PLEKHA7: variants seen among roughly 807,000 people sequenced by gnomAD.
PLEKHA7 encodes pleckstrin homology domain containing A7, also known as pleckstrin homology domain-containing family A member 7.
PLEKHA7 carries 104 observed loss-of-function variants against 170.0 expected under a neutral mutation model. That is an observed-to-expected ratio of 0.61 (90% CI 0.52 to 0.72). The LOEUF (loss-of-function observed/expected upper bound fraction) is 0.72. Among genes scored for constraint, PLEKHA7 ranks in the 30% least tolerant of loss-of-function variants. The probability of loss-of-function intolerance (pLI) is 0.00; values close to 1 mark genes in which losing one functional copy is unlikely to be tolerated. For missense variants in PLEKHA7, 1,615 were observed against 1,671.7 expected, an observed-to-expected ratio of 0.97 and a Z score of 0.59; for synonymous variants, 648 against 660.8, an observed-to-expected ratio of 0.98 and a Z score of 0.30.
intron 3 of PLEKHA7, among the ~76,000 whole-genome samples, chr11:16,997,102 C>T (rs1180789531): frequency 6.6e-6 from 1 of 152,144 alleles, no homozygotes; most frequent in Non-Finnish European, 1.5e-5. Context: ...GAGTCCCCTG[C>T]CCCAAGGCTG....
At chr11:16,940,205 T>C (rs1012106728) in intron 3 of PLEKHA7, among the ~76,000 whole-genome samples, 1 of 151,764 alleles carries the variant, frequency 6.6e-6, no homozygotes, top group African/African-American at 2.4e-5. Context: ...GGCTGGCACA[T>C]AGTAGGTACT....
At chr11:17,003,261 G>A (rs1318305808) in intron 3 of PLEKHA7, among the ~76,000 whole-genome samples, 1 of 152,158 alleles carries the variant, frequency 6.6e-6, no homozygotes, top group Non-Finnish European at 1.5e-5. Context: ...AAAGTGCTGG[G>A]ATTACACATG....
chr11:16,947,892 G>A (rs1590693177), intron 3 of PLEKHA7, among the ~76,000 whole-genome samples: 3 of 148,430 alleles, frequency 2.0e-5, no homozygotes, highest in African/African-American at 5.0e-5. Context: ...CTCCAGCTTG[G>A]GCTATAGAGT....
chr11:16,938,659 T>C (rs1157119089), intron 3 of PLEKHA7, among the ~76,000 whole-genome samples: 2 of 152,220 alleles, frequency 1.3e-5, no homozygotes, highest in South Asian at 2.1e-4. Flanking sequence ...CCTCCTATAG[T>C]GATTAACATT....
intron 3 of PLEKHA7, among the ~76,000 whole-genome samples, chr11:16,896,309 G>A (rs550737873): frequency 6.6e-6 from 1 of 152,296 alleles, no homozygotes; most frequent in South Asian, 2.1e-4. Flanking sequence ...AAGAATGGCT[G>A]TGACATTTCT....
intron 4 of PLEKHA7, among the ~76,000 whole-genome samples, chr11:16,856,417 G>A (rs545200063): frequency 3.3e-5 from 5 of 152,090 alleles, no homozygotes; most frequent in Non-Finnish European, 7.4e-5. Context: ...ATGCCAGTGG[G>A]GCTTGTCTCC....
At chr11:16,861,178 C>G (rs1853914873) in intron 4 of PLEKHA7, among the ~76,000 whole-genome samples, 1 of 152,108 alleles carries the variant, frequency 6.6e-6, no homozygotes, top group African/African-American at 2.4e-5. Flanking sequence ...CACAGTAATT[C>G]TGTGTCTGGA....
intron 8 of PLEKHA7, among the ~76,000 whole-genome samples, chr11:16,847,619 C>G (rs1852551981): frequency 6.6e-6 from 1 of 151,944 alleles, no homozygotes; most frequent in African/African-American, 2.4e-5. Context: ...CACCTGAGGT[C>G]AGGAATTTGA....
chr11:17,007,934 T>C (rs1339149520), intron 3 of PLEKHA7, among the ~76,000 whole-genome samples: 1 of 152,218 alleles, frequency 6.6e-6, no homozygotes, highest in Non-Finnish European at 1.5e-5. Flanking sequence ...GTAATAGCAC[T>C]AACCGCAATT....
intron 3 of PLEKHA7, among the ~76,000 whole-genome samples, chr11:17,010,156 G>T (rs984267419): frequency 6.6e-6 from 1 of 152,112 alleles, no homozygotes; most frequent in African/African-American, 2.4e-5. Flanking sequence ...GGGAGGCTGA[G>T]GCAGGCGGAT....
chr11:16,785,343 T>A (rs1441305079), intron 24 of PLEKHA7, among the ~76,000 whole-genome samples: 1 of 152,220 alleles, frequency 6.6e-6, no homozygotes, highest in Non-Finnish European at 1.5e-5. Flanking sequence ...TCTTGTGCAG[T>A]TTCCAGGCAG....
rs750668175 is a variant in PLEKHA7 at position 16,794,506 on chromosome 11, A to G, written c.2727T>C (p.Thr909=). The stretch of plus-strand genomic sequence containing the variant: ...TACTTACAACTTTGGGCTTCGCCTT[A>G]GTTGGTGACTGAAGGGGGGATGTCA... ...RKVTSPLQSP[T]KAKPKVEDEA... is the part of the protein sequence containing the mutation. The change falls in exon 19 of 27, where the codon ACT becomes ACC. Residue 909 remains threonine, a synonymous_variant. Transcript: ENST00000531066. 6.2e-7 allele frequency: 1 copy of G among 1,613,854 alleles called. No individual in the cohort carries two copies. The highest frequency in any genetic ancestry group is 8.5e-7 in the Non-Finnish European group (1 of 1,179,980).
intron 3 of PLEKHA7, among the ~76,000 whole-genome samples, chr11:16,892,325 G>A (rs570822764): frequency 5.3e-5 from 8 of 152,134 alleles, no homozygotes; most frequent in African/African-American, 1.9e-4. Context: ...ACAGAGCAAT[G>A]GCTAAAAACT....
intron 3 of PLEKHA7, among the ~76,000 whole-genome samples, chr11:16,977,630 T>C (rs1590767172): frequency 6.6e-6 from 1 of 152,132 alleles, no homozygotes; most frequent in East Asian, 1.9e-4. Context: ...AATACCTAGC[T>C]GGTTAACGCC....
chr11:16,969,517 C>T (rs193096163), intron 3 of PLEKHA7, among the ~76,000 whole-genome samples: 1 of 152,276 alleles, frequency 6.6e-6, no homozygotes, highest in East Asian at 1.9e-4. Context: ...ACCAATTCTA[C>T]ATATTGCAAT....
chr11:16,852,594 A>T (rs1853068501), intron 6 of PLEKHA7, among the ~76,000 whole-genome samples: 1 of 152,194 alleles, frequency 6.6e-6, no homozygotes, highest in African/African-American at 2.4e-5. Context: ...TTAATATATA[A>T]TATTATAAGT....
chr11:16,821,910 A>C (rs950384879), intron 10 of PLEKHA7, among the ~76,000 whole-genome samples: 38 of 152,016 alleles, frequency 2.5e-4, no homozygotes, highest in Non-Finnish European at 4.4e-4. Context: ...AATTCCTCTC[A>C]CTGTGTGCTC....
intron 3 of PLEKHA7, among the ~76,000 whole-genome samples, chr11:16,990,986 T>C (rs774340408): frequency 2.5e-4 from 38 of 152,210 alleles, no homozygotes; most frequent in African/African-American, 5.5e-4. Flanking sequence ...ACTGTTGTCA[T>C]TGTGGGCAGA....
At chr11:16,951,863 C>G (rs1861427305) in intron 3 of PLEKHA7, among the ~76,000 whole-genome samples, 1 of 152,216 alleles carries the variant, frequency 6.6e-6, no homozygotes, top group South Asian at 2.1e-4. Flanking sequence ...TCAACCATAT[C>G]TAATTACTAG....
Sources: gnomAD v4.1 joint callset for allele counts (sites outside exome capture counted in the v4.1 genomes callset) on GRCh38, gnomAD v4.1.1 for gene constraint, MANE v1.5 for transcripts, NCBI Gene and HGNC (gene_info 2026-07-23, HGNC 2026-07-21) for gene names.